THADA: variants seen among roughly 807,000 people sequenced by gnomAD.
THADA encodes tRNA (32-2'-O)-methyltransferase regulator THADA.
A neutral mutation model predicts 219.8 loss-of-function variants in THADA; 213 were observed. The observed-to-expected ratio is 0.97, with a 90% CI of 0.87 to 1.09. THADA has a LOEUF of 1.09. THADA is among the 50% of genes least tolerant of loss of function. The probability of loss-of-function intolerance (pLI) is 0.00; values close to 1 mark genes in which losing one functional copy is unlikely to be tolerated. For synonymous variants in THADA, 1,018 were observed against 828.9 expected (o/e 1.23, Z -3.92); for missense variants, 2,956 against 2,311.3 (o/e 1.28, Z -5.72).
chr2:43,580,005 T>C (rs1700242501), intron 8 of THADA, among the ~76,000 whole-genome samples: 1 of 150,784 alleles, frequency 6.6e-6, no homozygotes, highest in Non-Finnish European at 1.5e-5. Flanking sequence ...CCATCAACTT[T>C]TCGGAAAAAA....
chr2:43,389,520 C>A (rs1673095393), intron 29 of THADA, among the ~76,000 whole-genome samples: 1 of 152,138 alleles, frequency 6.6e-6, no homozygotes, highest in African/African-American at 2.4e-5. Flanking sequence ...ACGTATTCTT[C>A]CACATATATT....
chr2:43,374,891 G>A (rs890041256), intron 29 of THADA, among the ~76,000 whole-genome samples: 4 of 152,054 alleles, frequency 2.6e-5, no homozygotes, highest in African/African-American at 7.2e-5. Flanking sequence ...AAGCTACTAT[G>A]AGCAACTGGT....
intron 26 of THADA, among the ~76,000 whole-genome samples, chr2:43,441,190 T>C (rs1680802491): frequency 6.6e-6 from 1 of 152,128 alleles, no homozygotes; most frequent in African/African-American, 2.4e-5. Context: ...CTACAGAAAA[T>C]TTCAACCTTG....
chr2:43,271,608 G>A (rs921120234), intron 36 of THADA, among the ~76,000 whole-genome samples: 17 of 141,828 alleles, frequency 1.2e-4, no homozygotes, highest in Admixed American at 1.1e-3. Context: ...CTACACTCTT[G>A]GAACTTTTTT....
At chr2:43,561,774 C>G (rs1313890867) in intron 15 of THADA, among the ~76,000 whole-genome samples, 1 of 152,026 alleles carries the variant, frequency 6.6e-6, no homozygotes, top group Non-Finnish European at 1.5e-5. Flanking sequence ...CTAGAACTTT[C>G]AGTACAATGG....
In THADA at chr2:43,391,134, G is replaced by A. The variant is rs999993888; in HGVS notation, c.4227+6837C>T. On this transcript the variant is annotated intron_variant, in intron 29 of 37. Transcript: ENST00000405975. ...CCAGAAGAGGCTCTGTAGGAACTCA[G>A]TGACTGGTACATCACACTCACACAC... 2.0e-5 allele frequency among the ~76,000 whole-genome samples: 3 copies of A among 152,230 alleles called. No individual in the cohort carries two copies. In the South Asian group the frequency reaches 6.2e-4, roughly 32 times the overall value.
chr2:43,298,980 C>T (rs550109777), intron 31 of THADA, among the ~76,000 whole-genome samples: 8 of 152,244 alleles, frequency 5.3e-5, no homozygotes, highest in East Asian at 1.9e-4. Context: ...AAACTTTTTA[C>T]GTGTTGAAAT....
intron 30 of THADA, chr2:43,343,860 G>A (rs565622579): frequency 2.6e-4 from 94 of 357,704 alleles, no homozygotes; most frequent in South Asian, 1.8e-3. Context: ...CACGCAGCAG[G>A]TTTCAACAAA....
chr2:43,420,488 T>C (rs1326307012), intron 28 of THADA, among the ~76,000 whole-genome samples: 1 of 152,196 alleles, frequency 6.6e-6, no homozygotes, highest in Non-Finnish European at 1.5e-5. Flanking sequence ...ATTATCATCA[T>C]TGTCAGAAAT....
At chr2:43,514,692 AATATATATAAT>A (rs1307013437) in intron 22 of THADA, among the ~76,000 whole-genome samples, 1 of 71,212 alleles carries the variant, frequency 1.4e-5, no homozygotes, top group Non-Finnish European at 2.4e-5. Context: ...TATTATATAT[AATATATATAAT>A]ATATATATAA....
intron 31 of THADA, among the ~76,000 whole-genome samples, chr2:43,319,090 T>C (rs1385685542): frequency 2.6e-5 from 4 of 152,204 alleles, no homozygotes; most frequent in Admixed American, 6.5e-5. Flanking sequence ...CAAAGCTATA[T>C]GGAATTTGGA....
intron 29 of THADA, among the ~76,000 whole-genome samples, chr2:43,368,055 T>C (rs1450678032): frequency 6.6e-6 from 1 of 151,918 alleles, no homozygotes; most frequent in Non-Finnish European, 1.5e-5. Flanking sequence ...GACGCAGAGG[T>C]TGCAGTGAGC....
At chr2:43,298,698 T>G (rs1241579019) in intron 31 of THADA, among the ~76,000 whole-genome samples, 2 of 152,040 alleles carry the variant, frequency 1.3e-5, no homozygotes, top group African/African-American at 4.8e-5. Context: ...CTGCTGGACT[T>G]GAGAGTTGGA....
chr2:43,565,451 A>ATGAATCTAGGT (rs1698553962), intron 15 of THADA: 2 of 148,406 alleles, frequency 1.3e-5, no homozygotes, highest in South Asian at 4.3e-4. Context: ...AAAAAAAAAG[A>ATGAATCTAGGT]TGAATCTAGG....
rs1247086713 is a variant in THADA, at chr2:43,292,946, A to G, written c.4706T>C (p.Leu1569Ser). Residue 1569 changes from leucine to serine, a missense_variant, in exon 32 of 38, where the codon TTA becomes TCA. Coordinates refer to ENST00000405975, the MANE Select transcript of THADA (RefSeq NM_022065.5). ...LTLEALLEKF[L>S]AAASGLGEKG... ...CTCTCCAAGTCCAGAGGCTGCTGCTAAGAACTTTTCCAAGAGGGCTTCCAG... is the reference window on the plus strand; with the variant it reads ...CTCTCCAAGTCCAGAGGCTGCTGCTGAGAACTTTTCCAAGAGGGCTTCCAG... The G allele has an allele frequency of 1.2e-5, 19 of 1,613,922 alleles. No individual in the cohort carries two copies. Among genetic ancestry groups the G allele is most frequent in the Non-Finnish European group, 1.4e-5 (17 of 1,179,904 alleles).
At chr2:43,285,369 T>C (rs918702986) in intron 35 of THADA, among the ~76,000 whole-genome samples, 1 of 152,132 alleles carries the variant, frequency 6.6e-6, no homozygotes, top group Non-Finnish European at 1.5e-5. Flanking sequence ...TTATGAGATC[T>C]GATGGTTTTA....
At chr2:43,459,761 C>A (rs959437351) in intron 26 of THADA, among the ~76,000 whole-genome samples, 2 of 152,142 alleles carry the variant, frequency 1.3e-5, no homozygotes, top group African/African-American at 4.8e-5. Flanking sequence ...CAGAGTCTGG[C>A]CCAAGCTTCC....
At chr2:43,248,160 T>TAG (rs1669399676) in intron 36 of THADA, among the ~76,000 whole-genome samples, 22 of 52,794 alleles carry the variant, frequency 4.2e-4, no homozygotes, top group East Asian at 1.5e-3. Flanking sequence ...TATATATATA[T>TAG]ATATAGAGAG....
At chr2:43,454,617 AC>A (rs1682763343) in intron 26 of THADA, among the ~76,000 whole-genome samples, 1 of 152,072 alleles carries the variant, frequency 6.6e-6, no homozygotes, top group African/African-American at 2.4e-5. Flanking sequence ...ACACACACAC[AC>A]ACACACACAC....
Sources: allele counts gnomAD v4.1 joint callset (sites outside exome capture counted in the v4.1 genomes callset), GRCh38; gene constraint gnomAD v4.1.1; transcripts MANE v1.5; gene names NCBI Gene and HGNC (gene_info 2026-07-23, HGNC 2026-07-21).